Variants in CTNNA3 observed in about 807,000 individuals in gnomAD.
CTNNA3 encodes catenin alpha-3.
CTNNA3 carries 76 observed loss-of-function variants against 95.7 expected under a neutral mutation model. The observed-to-expected ratio is 0.79, with a 90% CI of 0.66 to 0.96. The LOEUF (loss-of-function observed/expected upper bound fraction) is 0.96, where lower values mean the gene tolerates loss of function less well. Ranked by LOEUF, CTNNA3 falls within the 40% of genes least tolerant of loss-of-function variation. The pLI is 0.00. For missense variants in CTNNA3, 1,191 were observed against 1,089.8 expected (o/e 1.09, Z -1.31); for synonymous variants, 431 against 374.4 (o/e 1.15, Z -1.74).
At chr10:67,264,509 A>G (rs1866739800) in intron 5 of CTNNA3, among the ~76,000 whole-genome samples, 1 of 152,162 alleles carries the variant, frequency 6.6e-6, no homozygotes, top group South Asian at 2.1e-4. Flanking sequence ...AGTAGGATAA[A>G]CATGATTCAC....
chr10:66,759,813 T>C (rs895335911), intron 9 of CTNNA3, among the ~76,000 whole-genome samples: 1 of 152,184 alleles, frequency 6.6e-6, no homozygotes, highest in Non-Finnish European at 1.5e-5. Flanking sequence ...ATAAAATATC[T>C]CATTAATGGC....
intron 9 of CTNNA3, among the ~76,000 whole-genome samples, chr10:66,661,398 C>G (rs1470970549): frequency 6.6e-6 from 1 of 152,080 alleles, no homozygotes; most frequent in Non-Finnish European, 1.5e-5. Flanking sequence ...ATGGGAAAGA[C>G]CGCCCCCTAT....
In CTNNA3 at chr10:65,919,480, C is replaced by T. The variant is rs1208470761; in HGVS notation, c.*850G>A. 6.6e-6 allele frequency: 1 copy of T among 152,106 alleles called. No homozygotes were observed. The highest frequency in any genetic ancestry group is 1.5e-5 in the Non-Finnish European group (1 of 68,002). 9.4% of individuals were successfully genotyped at this position (152,106 alleles called of 1,614,324 possible). A position where few individuals can be genotyped will look rare whatever the true frequency, so the allele number is the denominator to read the frequency against. On this transcript the variant is annotated 3_prime_UTR_variant, in exon 18 of 18. Coordinates refer to ENST00000433211, the MANE Select transcript of CTNNA3 (RefSeq NM_013266.4). ...TAAAAATAGGGTCATACAGAACTTA[C>T]ACTTCTGTTATTATTAATATAACTC...
chr10:66,664,889 T>TAAAAAAAAAAAAAAAAAAAAAAAA (rs56801434), intron 9 of CTNNA3, among the ~76,000 whole-genome samples: 2 of 134,522 alleles, frequency 1.5e-5, no homozygotes, highest in African/African-American at 2.7e-5. Context: ...CTGAAAAAAT[T>TAAAAAAAAAAAAAAAAAAAAAAAA]AAAAAAAAAA....
At chr10:67,517,314 TAAC>T (rs1316667310) in intron 5 of CTNNA3, among the ~76,000 whole-genome samples, 4 of 152,166 alleles carry the variant, frequency 2.6e-5, no homozygotes, top group African/African-American at 9.6e-5. Flanking sequence ...AGATAAGAGA[TAAC>T]AAGTAGAATT....
intron 5 of CTNNA3, among the ~76,000 whole-genome samples, chr10:67,376,167 G>A (rs1843681373): frequency 1.3e-5 from 2 of 152,124 alleles, no homozygotes; most frequent in African/African-American, 4.8e-5. Context: ...CAGACCAAAT[G>A]GACTAAGACA....
intron 3 of CTNNA3, among the ~76,000 whole-genome samples, chr10:67,600,678 C>A (rs991436087): frequency 1.3e-5 from 2 of 152,114 alleles, no homozygotes; most frequent in Non-Finnish European, 2.9e-5. Context: ...CATATGTATA[C>A]CTTATGACCC....
At chr10:67,232,460 C>G (rs1045929578) in intron 5 of CTNNA3, among the ~76,000 whole-genome samples, 2 of 151,950 alleles carry the variant, frequency 1.3e-5, no homozygotes, top group Non-Finnish European at 2.9e-5. Context: ...GAAGCAAATC[C>G]TGAGAGATTT....
chr10:66,063,916 TCTTCAACCCTTACA>T (rs1224937823), intron 15 of CTNNA3, among the ~76,000 whole-genome samples: 3 of 152,178 alleles, frequency 2.0e-5, no homozygotes, highest in African/African-American at 7.2e-5. Context: ...TTAACTCTGA[TCTTCAACCCTTACA>T]CTTCTCCTAT....
intron 5 of CTNNA3, among the ~76,000 whole-genome samples, chr10:67,485,192 T>C (rs1848396190): frequency 6.6e-6 from 1 of 152,156 alleles, no homozygotes; most frequent in Non-Finnish European, 1.5e-5. Context: ...CTGGAGGCCA[T>C]TATCTTATGC....
intron 9 of CTNNA3, among the ~76,000 whole-genome samples, chr10:66,661,175 A>G (rs149082835): frequency 6.6e-6 from 1 of 152,142 alleles, no homozygotes; most frequent in African/African-American, 2.4e-5. Context: ...TTAGAATCTA[A>G]TATTATATTA....
In CTNNA3 at chr10:66,033,135, C is replaced by CTTTTTTTTTTT. The variant is rs10665142; in HGVS notation, c.2159+36162_2159+36172dup. On this transcript the variant is annotated intron_variant, in intron 15 of 17. Coordinates refer to ENST00000433211, the MANE Select transcript of CTNNA3 (RefSeq NM_013266.4). ...TGTAATAATTTTTTTTTCTTTTTTT[C>CTTTTTTTTTTT]TTTTTTTTTTTTTTGAGACGAGTCT... 1.9e-4 allele frequency among the ~76,000 whole-genome samples: 25 copies of CTTTTTTTTTTT among 131,882 alleles called. 1 individual carries two copies. Among genetic ancestry groups the CTTTTTTTTTTT allele is most frequent in the Middle Eastern group, 3.9e-3 (1 of 258 alleles). 86.5% of individuals were successfully genotyped at this position (131,882 alleles called of 152,430 possible).
chr10:66,209,582 G>A (rs2087998446), intron 13 of CTNNA3, among the ~76,000 whole-genome samples: 1 of 152,124 alleles, frequency 6.6e-6, no homozygotes, highest in Non-Finnish European at 1.5e-5. Context: ...AGGTCAATGT[G>A]AGGAAGTTAA....
At chr10:66,902,866 T>C (rs371602673) in intron 7 of CTNNA3, among the ~76,000 whole-genome samples, 1 of 151,980 alleles carries the variant, frequency 6.6e-6, no homozygotes, top group South Asian at 2.1e-4. Flanking sequence ...TAAGAGGTTC[T>C]GAAATTGTGG....
intron 7 of CTNNA3, among the ~76,000 whole-genome samples, chr10:67,093,940 T>C (rs542806035): frequency 2.4e-3 from 366 of 152,080 alleles, no homozygotes; most frequent in Admixed American, 5.5e-3. Context: ...AGAATACCTC[T>C]TAAGGCAATA....
chr10:67,012,730 C>T (rs1257086839), intron 7 of CTNNA3, among the ~76,000 whole-genome samples: 1 of 151,972 alleles, frequency 6.6e-6, no homozygotes, highest in Non-Finnish European at 1.5e-5. Context: ...TCCAGCTTCA[C>T]GGTGGTTTTG....
chr10:66,515,998 C>T (rs1189730495), intron 11 of CTNNA3, among the ~76,000 whole-genome samples: 1 of 145,896 alleles, frequency 6.9e-6, no homozygotes, highest in Non-Finnish European at 1.5e-5. Context: ...AAAATCTGTC[C>T]CCTACAGAAG....
At chr10:66,549,493 T>C (rs994208467) in intron 10 of CTNNA3, among the ~76,000 whole-genome samples, 1 of 152,170 alleles carries the variant, frequency 6.6e-6, no homozygotes, top group Admixed American at 6.5e-5. Flanking sequence ...ATTTCATTGA[T>C]TTCTACTTTT....
chr10:66,621,665 A>G (rs1375183797), intron 10 of CTNNA3, 27 bp downstream of exon 10: 1 of 1,327,274 alleles, frequency 7.5e-7, no homozygotes, highest in Non-Finnish European at 1.1e-6. Context: ...ATAATTTTAC[A>G]CACAAAAAGT....
Sources: allele counts gnomAD v4.1 joint callset (sites outside exome capture counted in the v4.1 genomes callset), GRCh38; gene constraint gnomAD v4.1.1; transcripts MANE v1.5; gene names NCBI Gene and HGNC (gene_info 2026-07-23, HGNC 2026-07-21).